The following NEK10 variants were observed in gnomAD, a reference collection of about 807,000 sequenced individuals.
NEK10 encodes the protein serine/threonine-protein kinase Nek10.
A neutral mutation model predicts 159.8 loss-of-function variants in NEK10; 122 were observed. That is an observed-to-expected ratio of 0.76 (90% CI 0.66 to 0.89). The LOEUF is 0.89. Among genes scored for constraint, NEK10 ranks in the 40% least tolerant of loss-of-function variants. NEK10 has a pLI of 0.00. For synonymous variants in NEK10, 466 were observed against 457.1 expected, an observed-to-expected ratio of 1.02 and a Z score of -0.25; for missense variants, 1,342 against 1,323.1, an observed-to-expected ratio of 1.01 and a Z score of -0.22.
At chr3:27,232,145 G>A (rs1040635035) in intron 23 of NEK10, among the ~76,000 whole-genome samples, 7 of 151,460 alleles carry the variant, frequency 4.6e-5, no homozygotes, top group Non-Finnish European at 1.0e-4. Flanking sequence ...ATCGTGATAT[G>A]ATCATATACG....
intron 23 of NEK10, among the ~76,000 whole-genome samples, chr3:27,227,414 T>C (rs1044606531): frequency 6.6e-6 from 1 of 152,212 alleles, no homozygotes; most frequent in African/African-American, 2.4e-5. Flanking sequence ...GGGAGCAGGC[T>C]CATTAGCATA....
chr3:27,261,629 T>A lies in NEK10; in HGVS notation c.2015-5258A>T, dbSNP rs189602140. Reference sequence around the variant, plus strand: ...CTGTTCTTTTACATTTGCTGAGGAGTGCTTTACTTCCAACTATGTGGTCAA... The same window carrying A: ...CTGTTCTTTTACATTTGCTGAGGAGAGCTTTACTTCCAACTATGTGGTCAA... On this transcript the variant is annotated intron_variant, in intron 22 of 35. Coordinates refer to ENST00000691995, the MANE Select transcript of NEK10 (RefSeq NM_001394966.1). Among the ~76,000 whole-genome samples, 316 of 152,232 alleles carry A rather than the reference T, an allele frequency of 2.1e-3. 1 individual carries two copies. The highest frequency in any genetic ancestry group is 3.2e-3 in the Non-Finnish European group (220 of 68,012).
chr3:27,230,697 T>C (rs1333713040), intron 23 of NEK10, among the ~76,000 whole-genome samples: 1 of 151,228 alleles, frequency 6.6e-6, no homozygotes, highest in Non-Finnish European at 1.5e-5. Context: ...CAAAAAGAAA[T>C]GAAAAGCAAG....
intron 22 of NEK10, among the ~76,000 whole-genome samples, chr3:27,260,721 G>A (rs968533429): frequency 1.8e-4 from 27 of 152,176 alleles, no homozygotes; most frequent in Admixed American, 4.6e-4. Flanking sequence ...GTATCAGGAT[G>A]ATGCTGGCCT....
intron 30 of NEK10, among the ~76,000 whole-genome samples, chr3:27,150,455 T>C (rs1410200199): frequency 6.6e-6 from 1 of 152,180 alleles, no homozygotes; most frequent in Non-Finnish European, 1.5e-5. Context: ...CCAAAAATAC[T>C]AGAGCCCTTA....
intron 23 of NEK10, among the ~76,000 whole-genome samples, chr3:27,211,657 TCATGGAAACC>T (rs908099991): frequency 6.6e-6 from 1 of 152,136 alleles, no homozygotes; most frequent in African/African-American, 2.4e-5. Flanking sequence ...TGCCCCTAGT[TCATGGAAACC>T]CATATCTGGC....
chr3:27,149,444 G>T (rs1442713796), intron 30 of NEK10, among the ~76,000 whole-genome samples: 1 of 152,106 alleles, frequency 6.6e-6, no homozygotes, highest in African/African-American at 2.4e-5. Flanking sequence ...CTAGTAGCAT[G>T]CATTTACTTC....
At chr3:27,201,676 G>T (rs1950057604) in intron 24 of NEK10, 96 bp from the exon 25 acceptor site, 1 of 829,290 alleles carries the variant, frequency 1.2e-6, no homozygotes, top group Non-Finnish European at 2.0e-6. Flanking sequence ...TACTAATTAA[G>T]CAGGATAACT....
At chr3:27,360,267 C>A (rs1179910101) in intron 1 of NEK10, among the ~76,000 whole-genome samples, 4 of 152,022 alleles carry the variant, frequency 2.6e-5, no homozygotes, top group African/African-American at 9.7e-5. Context: ...CCCTCCAGGC[C>A]CAAGAACAGA....
rs2047401948 is a variant in NEK10, at chr3:27,344,302, G to A, written c.332C>T (p.Thr111Ile). ...TATGAGTCTATTTTTCACCAAGGCG[G>A]TAAAGATCTCCTGAAATAGTTTACG... ...PQRKLFQEIFTALVKNRLISR... is the reference protein window; with the variant it reads ...PQRKLFQEIFIALVKNRLISR... Residue 111 changes from threonine (T) to isoleucine (I), a missense_variant, in exon 5 of 36, where the codon ACC becomes ATC. Coordinates refer to ENST00000691995, the MANE Select transcript of NEK10 (RefSeq NM_001394966.1). 3 of 1,596,184 alleles carry A rather than the reference G, an allele frequency of 1.9e-6. No homozygotes were observed. Among genetic ancestry groups the A allele is most frequent in the Non-Finnish European group, 1.7e-6 (2 of 1,167,448 alleles).
intron 23 of NEK10, among the ~76,000 whole-genome samples, chr3:27,253,973 A>G (rs1454370994): frequency 1.3e-5 from 2 of 152,078 alleles, no homozygotes; most frequent in Admixed American, 6.5e-5. Context: ...GCATGCCATA[A>G]GCACCTGGGC....
chr3:27,358,088 T>C (rs911967525), intron 1 of NEK10, among the ~76,000 whole-genome samples: 1 of 152,246 alleles, frequency 6.6e-6, no homozygotes, highest in East Asian at 1.9e-4. Flanking sequence ...ACAAAAACTT[T>C]TGGCCTTATC....
chr3:27,209,859 ATCT>A (rs1950851444), intron 23 of NEK10, among the ~76,000 whole-genome samples: 1 of 145,132 alleles, frequency 6.9e-6, no homozygotes, highest in Non-Finnish European at 1.5e-5. Flanking sequence ...AACCACAGAA[ATCT>A]TCTTGAAAAT....
chr3:27,201,108 G>GTACCT (rs1950004750), intron 25 of NEK10, among the ~76,000 whole-genome samples: 1 of 152,118 alleles, frequency 6.6e-6, no homozygotes, highest in Non-Finnish European at 1.5e-5. Flanking sequence ...AAATTAAAAA[G>GTACCT]TACCTGCAAC....
At position 27,140,524 on chromosome 3, in the gene NEK10, A is replaced by G. The variant is rs149477686; in HGVS notation, c.2970+958T>C. 1.1e-3 allele frequency among the ~76,000 whole-genome samples: 169 copies of G among 152,332 alleles called. 1 individual carries two copies. Among genetic ancestry groups the G allele is most frequent in the African/African-American group, 3.9e-3 (162 of 41,578 alleles). ...TAGAGTCTTATCATGTTACTGTGGT[A>G]CACCATTTTTAATGATTTTTTGTTT... On this transcript the variant is annotated intron_variant, in intron 31 of 35. Coordinates refer to ENST00000691995, the MANE Select transcript of NEK10 (RefSeq NM_001394966.1).
intron 22 of NEK10, among the ~76,000 whole-genome samples, chr3:27,274,216 C>A (rs933897811): frequency 6.6e-6 from 1 of 152,140 alleles, no homozygotes; most frequent in Non-Finnish European, 1.5e-5. Context: ...AGGGAAGGAA[C>A]TTCTGTTTCT....
chr3:27,154,605 A>G (rs148034173), intron 30 of NEK10, among the ~76,000 whole-genome samples: 80 of 152,340 alleles, frequency 5.3e-4, no homozygotes, highest in African/African-American at 1.9e-3. Flanking sequence ...CACGATAATC[A>G]AGTGGATTTC....
At chr3:27,310,682 A>G (rs761594318) in intron 9 of NEK10, 5 of 325,224 alleles carry the variant, frequency 1.5e-5, no homozygotes, top group Non-Finnish European at 2.8e-5. Context: ...TTTTCAAATA[A>G]TATTTAAGTA....
chr3:27,345,022 A>G (rs989387514), intron 4 of NEK10, among the ~76,000 whole-genome samples: 1 of 152,340 alleles, frequency 6.6e-6, no homozygotes, highest in Non-Finnish European at 1.5e-5. Flanking sequence ...AAAACATTCT[A>G]TTTTAAAACT....
Sources: gnomAD v4.1 joint callset for allele counts (sites outside exome capture counted in the v4.1 genomes callset) on GRCh38, gnomAD v4.1.1 for gene constraint, MANE v1.5 for transcripts, NCBI Gene and HGNC (gene_info 2026-07-23, HGNC 2026-07-21) for gene names.